Variants in PACSIN1 observed in about 807,000 individuals in gnomAD.
The protein encoded by PACSIN1 is protein kinase C and casein kinase substrate in neurons 1.
Under a neutral mutation model 59.5 loss-of-function variants are expected in PACSIN1, and 15 were observed. The observed-to-expected ratio is 0.25, with a 90% CI of 0.17 to 0.39. The LOEUF (loss-of-function observed/expected upper bound fraction) is 0.39. Among genes scored for constraint, PACSIN1 ranks in the 10% least tolerant of loss-of-function variants. The pLI, the probability that PACSIN1 is intolerant of heterozygous loss-of-function variation, is 1.00. For synonymous variants in PACSIN1, 210 were observed against 220.6 expected (o/e 0.95, Z 0.42); for missense variants, 420 against 580.2 (o/e 0.72, Z 2.84).
chr6:34,534,720 C>T lies in PACSIN1; in HGVS notation c.*2190C>T, dbSNP rs573018143. On this transcript the variant is annotated 3_prime_UTR_variant, in exon 10 of 10. Transcript: ENST00000244458. ...AACCCCCTCCGTCCTGAGCAGCCAC[C>T]TCCAGGGCCCTGTTTGGGACCACTC... The T allele has an allele frequency of 6.5e-6, 1 of 152,902 alleles. No individual in the cohort carries two copies. Among genetic ancestry groups the T allele is most frequent in the South Asian group, 2.1e-4 (1 of 4,830 alleles). The allele number at this position is 152,902 out of a possible 1,614,324, so 9.5% of individuals were successfully genotyped here.
chr6:34,527,425 G>A lies in PACSIN1; in HGVS notation c.157G>A (p.Glu53Lys). ...MNCVQERAKI[E>K]KAYGQQLTDW... is the part of the protein sequence containing the mutation. ...CTGCGTGCAGGAGCGCGCCAAGATCGAGAAGGCGTACGGGCAGCAGCTCAC... is the reference window on the plus strand; with the variant it reads ...CTGCGTGCAGGAGCGCGCCAAGATCAAGAAGGCGTACGGGCAGCAGCTCAC... Residue 53 changes from glutamate to lysine, a missense_variant, in exon 3 of 10, where the codon GAG (glutamate) becomes AAG (lysine). Transcript: ENST00000244458. 2 of 1,599,046 alleles carry A rather than the reference G, an allele frequency of 1.3e-6. No homozygotes were observed. The highest frequency in any genetic ancestry group is 1.7e-6 in the Non-Finnish European group (2 of 1,174,124).
chr6:34,484,376 C>T (rs186611737), intron 1 of PACSIN1, among the ~76,000 whole-genome samples: 21 of 152,140 alleles, frequency 1.4e-4, no homozygotes, highest in Non-Finnish European at 1.2e-4. Flanking sequence ...ATGATTCCAA[C>T]TAGATAACAT....
chr6:34,489,906 T>C (rs2127251905), intron 1 of PACSIN1, among the ~76,000 whole-genome samples: 2 of 152,342 alleles, frequency 1.3e-5, no homozygotes, highest in Middle Eastern at 6.8e-3. Context: ...CATCATCACA[T>C]GTGCTGATTC....
chr6:34,490,842 T>C (rs1561959366), intron 1 of PACSIN1, among the ~76,000 whole-genome samples: 1 of 152,178 alleles, frequency 6.6e-6, no homozygotes, highest in Non-Finnish European at 1.5e-5. Context: ...GCGTTTCTGC[T>C]TCTACTGTGG....
chr6:34,491,579 T>C (rs1001403070), intron 1 of PACSIN1, among the ~76,000 whole-genome samples: 1 of 151,942 alleles, frequency 6.6e-6, no homozygotes, highest in Non-Finnish European at 1.5e-5. Context: ...GAGAGGGCTG[T>C]GTGCTCCATG....
chr6:34,529,602 G>T lies in PACSIN1; in HGVS notation c.612+50G>T. The T allele has an allele frequency of 6.2e-7, 1 of 1,612,622 alleles. No individual in the cohort carries two copies. The highest frequency in any genetic ancestry group is 1.7e-5 in the Admixed American group (1 of 59,990). ...AGGGGGTCTGGGGGCCCCTTGCAGA[G>T]GGTGGTGGCTGGGAGCTGCAGGCCT... On this transcript the variant is annotated intron_variant, in intron 5 of 9. Transcript: ENST00000244458. The surrounding 1 kb of genome is among the most constrained non-coding windows in gnomAD (Gnocchi z 6.3).
At position 34,514,881 on chromosome 6, in the gene PACSIN1, G is replaced by A. The variant is rs539393816; in HGVS notation, c.-63-11362G>A. The A allele has an allele frequency of 7.1e-3, 1,083 of 152,428 alleles. 9 individuals carry two copies. The highest frequency in any genetic ancestry group is 0.011 in the Non-Finnish European group (743 of 68,104). 9.4% of individuals were successfully genotyped at this position (152,428 alleles called of 1,614,324 possible). A position where few individuals can be genotyped will look rare whatever the true frequency, so the allele number is the denominator to read the frequency against. On this transcript the variant is annotated intron_variant, in intron 1 of 9. Coordinates refer to ENST00000244458, the MANE Select transcript of PACSIN1 (RefSeq NM_020804.5). This position sits in a 1 kb window ranked among gnomAD's most constrained non-coding sequence, Gnocchi z 4.4. The stretch of plus-strand genomic sequence containing the variant: ...GGGAGCTGGCTCCTGCAGTTCTGGC[G>A]CTGCTGCCTTCCTGAGTGAGCGGTG...
rs545592494 is a variant in PACSIN1 at position 34,526,129 on chromosome 6, C to T, written c.-63-114C>T. On this transcript the variant is annotated intron_variant, in intron 1 of 9. Coordinates refer to ENST00000244458, the MANE Select transcript of PACSIN1 (RefSeq NM_020804.5). ...AGTTAGTCTCTGGACAGGAAGATGG[C>T]ATCCTAATGCAAGCCTCCCTGGGTC... is the stretch of plus-strand genomic sequence containing the variant. The T allele has an allele frequency of 3.9e-5, 23 of 590,458 alleles. No individual in the cohort carries two copies. The South Asian group carries it at 4.5e-4, about 11-fold the overall frequency. 36.6% of individuals were successfully genotyped at this position (590,458 alleles called of 1,614,324 possible). A position where few individuals can be genotyped will look rare whatever the true frequency, so the allele number is the denominator to read the frequency against.
intron 1 of PACSIN1, among the ~76,000 whole-genome samples, chr6:34,475,370 G>A (rs1766624650): frequency 6.6e-6 from 1 of 152,164 alleles, no homozygotes; most frequent in Admixed American, 6.5e-5. Context: ...AATACTTCCT[G>A]TCTCAAGTCT....
At position 34,531,637 on chromosome 6, in the gene PACSIN1, G is replaced by A. The variant is rs1283413633; in HGVS notation, c.1075G>A (p.Glu359Lys). The change falls in exon 9 of 10, where the codon GAG (glutamate) becomes AAG (lysine). Residue 359 changes from glutamate to lysine, a missense_variant. Physicochemically the swap from Glu to Lys is moderately conservative, Grantham distance 56 (BLOSUM62 1). Coordinates refer to ENST00000244458, the MANE Select transcript of PACSIN1 (RefSeq NM_020804.5). This position sits in a 1 kb window ranked among gnomAD's most constrained non-coding sequence, Gnocchi z 4.4. ...CGACAGAGGCCAGCCCTACGCCACC[G>A]AGTGGTCAGACGACGAGAGTGGGAA... is the stretch of plus-strand genomic sequence containing the variant. ...SYDRGQPYATEWSDDESGNPF... is the reference protein window; with the variant it reads ...SYDRGQPYATKWSDDESGNPF... The A allele has an allele frequency of 6.2e-7, 1 of 1,614,014 alleles. No individual in the cohort carries two copies. Among genetic ancestry groups the A allele is most frequent in the Admixed American group, 1.7e-5 (1 of 60,028 alleles).
rs548187695 is a variant in PACSIN1, at chr6:34,514,018, G to A, written c.-63-12225G>A. ...TGAATCCATGTAGATGTGTGTGCAC[G>A]TGTCTTAAAGATGTGCGTATGCTGA... On this transcript the variant is annotated intron_variant, in intron 1 of 9. Coordinates refer to ENST00000244458, the MANE Select transcript of PACSIN1 (RefSeq NM_020804.5). This position sits in a 1 kb window ranked among gnomAD's most constrained non-coding sequence, Gnocchi z 4.4. Among the ~76,000 whole-genome samples the A allele has an allele frequency of 4.6e-5, 7 of 152,312 alleles. No individual in the cohort carries two copies. Among genetic ancestry groups the A allele is most frequent in the South Asian group, 2.1e-4 (1 of 4,816 alleles).
rs148616098 is a variant in PACSIN1 at position 34,485,984 on chromosome 6, C to T, written c.-64+19714C>T. The stretch of plus-strand genomic sequence containing the variant: ...AGGGAGGAGACACATGGGCCCGCAA[C>T]GTGGGCGGCACTGGGTGGTCTAGGG... On this transcript the variant is annotated intron_variant, in intron 1 of 9. Transcript: ENST00000244458. Among the ~76,000 whole-genome samples, 641 of 152,248 alleles carry T rather than the reference C, an allele frequency of 4.2e-3. 6 individuals carry two copies. The highest frequency in any genetic ancestry group is 0.014 in the East Asian group (72 of 5,164).
chr6:34,469,167 G>C (rs1415390100), intron 1 of PACSIN1, among the ~76,000 whole-genome samples: 1 of 151,976 alleles, frequency 6.6e-6, no homozygotes, highest in Non-Finnish European at 1.5e-5. Flanking sequence ...AGGGGTTGGG[G>C]GACGAGTGGG....
At chr6:34,496,659 C>T (rs1036336797) in intron 1 of PACSIN1, among the ~76,000 whole-genome samples, 2 of 152,246 alleles carry the variant, frequency 1.3e-5, no homozygotes, top group African/African-American at 2.4e-5. Context: ...CTGACATGCT[C>T]CCTTCTCTGG....
intron 1 of PACSIN1, among the ~76,000 whole-genome samples, chr6:34,499,788 T>G (rs1263686649): frequency 6.6e-6 from 1 of 151,496 alleles, no homozygotes; most frequent in Non-Finnish European, 1.5e-5. Flanking sequence ...ACAGTGAAAC[T>G]TCGTCTCAAT....
chr6:34,475,195 G>C (rs958186935), intron 1 of PACSIN1, among the ~76,000 whole-genome samples: 3 of 152,166 alleles, frequency 2.0e-5, no homozygotes, highest in Non-Finnish European at 4.4e-5. Flanking sequence ...GGGTTTGGGT[G>C]GGGGCAGAGC....
chr6:34,530,171 G>T lies in PACSIN1; in HGVS notation c.789-72G>T, dbSNP rs1009443209. ...ACCCTGCTTCCCTGAGTGGACTCTG[G>T]CCTCTCACCAAGGTTGAGGAGGGGC... On this transcript the variant is annotated intron_variant, in intron 6 of 9. Transcript: ENST00000244458. This position sits in a 1 kb window ranked among gnomAD's most constrained non-coding sequence, Gnocchi z 4.4. 25 of 1,522,370 alleles carry T rather than the reference G, an allele frequency of 1.6e-5. 1 individual carries two copies. Among genetic ancestry groups the T allele is most frequent in the Non-Finnish European group, 2.2e-5 (25 of 1,129,054 alleles). The allele number at this position is 1,522,370 out of a possible 1,614,324, so 94.3% of individuals were successfully genotyped here. A position where few individuals can be genotyped will look rare whatever the true frequency, so the allele number is the denominator to read the frequency against.
chr6:34,479,904 C>T (rs1014118157), intron 1 of PACSIN1, among the ~76,000 whole-genome samples: 5 of 148,428 alleles, frequency 3.4e-5, no homozygotes, highest in East Asian at 2.1e-4. Flanking sequence ...CAGCTCACTG[C>T]AACCTCCGCC....
intron 1 of PACSIN1, among the ~76,000 whole-genome samples, chr6:34,470,109 G>A (rs961409617): frequency 6.6e-6 from 1 of 152,154 alleles, no homozygotes; most frequent in Non-Finnish European, 1.5e-5. Flanking sequence ...TGTCTCTGAA[G>A]ACCTCAACCT....
Sources: allele counts gnomAD v4.1 joint callset (sites outside exome capture counted in the v4.1 genomes callset), GRCh38; gene constraint gnomAD v4.1.1; non-coding constraint Gnocchi (gnomAD v3.1); transcripts MANE v1.5; gene names NCBI Gene and HGNC (gene_info 2026-07-23, HGNC 2026-07-21).